NOL4L: variants seen among roughly 807,000 people sequenced by gnomAD.
The protein encoded by NOL4L is nucleolar protein 4 like.
NOL4L carries 7 observed loss-of-function variants against 64.5 expected under a neutral mutation model. The ratio of observed to expected loss-of-function variants is 0.11; its 90% confidence interval spans 0.06 to 0.20. The LOEUF is 0.20. Among genes scored for constraint, NOL4L ranks in the 10% least tolerant of loss-of-function variants. NOL4L has a pLI of 1.00. For missense variants in NOL4L, 680 were observed against 967.1 expected (o/e 0.70, Z 3.94); for synonymous variants, 413 against 401.0 (o/e 1.03, Z -0.36).
intron 1 of NOL4L, among the ~76,000 whole-genome samples, chr20:32,566,687 T>A (rs140341754): frequency 6.6e-6 from 1 of 152,278 alleles, no homozygotes; most frequent in East Asian, 1.9e-4. Flanking sequence ...GCTCAAAATG[T>A]CACATTTTAT....
At chr20:32,526,010 G>A (rs1262904480) in intron 2 of NOL4L, among the ~76,000 whole-genome samples, 2 of 152,024 alleles carry the variant, frequency 1.3e-5, no homozygotes, top group Non-Finnish European at 2.9e-5. Flanking sequence ...TGCCTGTCTC[G>A]GCCTCCCAAA....
chr20:32,485,147 G>A (rs989868784), intron 4 of NOL4L, among the ~76,000 whole-genome samples: 1 of 143,674 alleles, frequency 7.0e-6, no homozygotes, highest in African/African-American at 2.6e-5. Flanking sequence ...CGCATCCGAA[G>A]AGGAAGGGCA....
chr20:32,509,882 C>T (rs1382193747), intron 4 of NOL4L: 1 of 1,304,272 alleles, frequency 7.7e-7, no homozygotes, highest in Non-Finnish European at 1.0e-6. Context: ...TTCATGGGCA[C>T]AGATGAGCAC....
At chr20:32,523,867 C>T (rs995047666) in intron 2 of NOL4L, among the ~76,000 whole-genome samples, 4 of 152,192 alleles carry the variant, frequency 2.6e-5, no homozygotes, top group African/African-American at 9.6e-5. Context: ...TTTGCAGAGT[C>T]GCTGACTTGC....
chr20:32,484,552 T>C (rs2015964871), intron 4 of NOL4L, among the ~76,000 whole-genome samples: 1 of 151,214 alleles, frequency 6.6e-6, no homozygotes, highest in African/African-American at 2.4e-5. Flanking sequence ...CCCAAACATC[T>C]ACGCGACCCC....
intron 9 of NOL4L, 28 bp downstream of exon 9, chr20:32,452,856 C>T (rs751353339): frequency 6.2e-7 from 1 of 1,612,796 alleles, no homozygotes; most frequent in Non-Finnish European, 8.5e-7. Context: ...CCAGGAGCGG[C>T]CCCTGTAGTG....
chr20:32,580,413 G>A (rs1980394852), intron 1 of NOL4L, among the ~76,000 whole-genome samples: 1 of 152,162 alleles, frequency 6.6e-6, no homozygotes, highest in Non-Finnish European at 1.5e-5. Flanking sequence ...GCCATTTCCC[G>A]CCCAGACCAG....
At chr20:32,456,002 C>T in intron 6 of NOL4L, 116 bp downstream of exon 6, 1 of 1,141,352 alleles carries the variant, frequency 8.8e-7, no homozygotes, top group Non-Finnish European at 1.2e-6. Flanking sequence ...ACCACCCTGG[C>T]TCGGTGTCAC....
chr20:32,527,963 G>A, intron 1 of NOL4L, 50 bp from the exon 2 acceptor site: 3 of 1,479,022 alleles, frequency 2.0e-6, no homozygotes, highest in Non-Finnish European at 2.7e-6. Context: ...ATGGCGGGGT[G>A]AGAACTGGGC....
At chr20:32,567,975 CCAT>C (rs556182440) in intron 1 of NOL4L, among the ~76,000 whole-genome samples, 68 of 152,008 alleles carry the variant, frequency 4.5e-4, no homozygotes, top group African/African-American at 8.4e-4. Flanking sequence ...ATCATCGTCA[CCAT>C]CATCGTCACC....
chr20:32,535,487 G>A (rs779630544), intron 1 of NOL4L: 15 of 657,536 alleles, frequency 2.3e-5, no homozygotes, highest in Non-Finnish European at 2.1e-5. Flanking sequence ...GCGCGTAGCT[G>A]CCGCCGCCAC....
intron 5 of NOL4L, among the ~76,000 whole-genome samples, chr20:32,468,344 A>C (rs1462934899): frequency 6.6e-6 from 1 of 152,076 alleles, no homozygotes; most frequent in Non-Finnish European, 1.5e-5. Context: ...TTTTGGAAAC[A>C]GGTGACCCAA....
At position 32,489,791 on chromosome 20, in the gene NOL4L, C is replaced by CA. The variant is rs2016379833; in HGVS notation, c.700-15050dup. Among the ~76,000 whole-genome samples the CA allele has an allele frequency of 2.0e-5, 3 of 151,368 alleles. No individual in the cohort carries two copies. In the South Asian group the frequency reaches 6.3e-4, roughly 32 times the overall value. On this transcript the variant is annotated intron_variant, in intron 4 of 10. Coordinates refer to ENST00000621426, the MANE Select transcript of NOL4L (RefSeq NM_001256798.2). Reference sequence around the variant, plus strand: ...TGCCACTGCACTCCAGCCTGGGTGACAGAGTGAGACTCCCTCTCAAATAAA... The same window carrying CA: ...TGCCACTGCACTCCAGCCTGGGTGACAAGAGTGAGACTCCCTCTCAAATAAA...
rs993988725 is a variant in NOL4L, at chr20:32,460,042, A to G, written c.842-3647T>C. Among the ~76,000 whole-genome samples, 1 of 152,216 alleles carries G rather than the reference A, an allele frequency of 6.6e-6. No homozygotes were observed. The highest frequency in any genetic ancestry group is 1.5e-5 in the Non-Finnish European group (1 of 68,034). ...TTCTACGCAGCATCTGGAACAGGCA[A>G]ATTCACAGAGACAGAAGGTACAGTG... On this transcript the variant is annotated intron_variant, in intron 5 of 10. Coordinates refer to ENST00000621426, the MANE Select transcript of NOL4L (RefSeq NM_001256798.2). This position sits in a 1 kb window ranked among gnomAD's most constrained non-coding sequence, Gnocchi z 5.7.
chr20:32,567,036 T>C (rs969710634), intron 1 of NOL4L, among the ~76,000 whole-genome samples: 1 of 152,198 alleles, frequency 6.6e-6, no homozygotes, highest in African/African-American at 2.4e-5. Context: ...AGCATTTGTG[T>C]CCTGGCCTTC....
intron 1 of NOL4L, among the ~76,000 whole-genome samples, chr20:32,532,041 C>A (rs561147853): frequency 6.6e-6 from 1 of 152,212 alleles, no homozygotes; most frequent in East Asian, 1.9e-4. Flanking sequence ...TCCCATGTGG[C>A]CTGTCTCTTC....
At chr20:32,540,689 G>A (rs2018638438) in intron 1 of NOL4L, among the ~76,000 whole-genome samples, 1 of 152,116 alleles carries the variant, frequency 6.6e-6, no homozygotes, top group Non-Finnish European at 1.5e-5. Flanking sequence ...TCTGTGAGAT[G>A]GGGATCCTAG....
At chr20:32,485,269 C>T (rs1319383868) in intron 4 of NOL4L, among the ~76,000 whole-genome samples, 2 of 152,030 alleles carry the variant, frequency 1.3e-5, no homozygotes, top group African/African-American at 4.8e-5. Flanking sequence ...GCCTTTAACC[C>T]TCCAACTTTT....
At chr20:32,488,778 C>CCTTCCTTCCTTTCTTCCTTT (rs2016232430) in intron 4 of NOL4L, among the ~76,000 whole-genome samples, 3 of 53,240 alleles carry the variant, frequency 5.6e-5, no homozygotes, top group Admixed American at 2.2e-4. Flanking sequence ...TTCCTTCCTT[C>CCTTCCTTCCTTTCTTCCTTT]CTTCCTTCCT....
Sources: gnomAD v4.1 joint callset for allele counts (sites outside exome capture counted in the v4.1 genomes callset) on GRCh38, gnomAD v4.1.1 for gene constraint, Gnocchi (gnomAD v3.1) non-coding constraint, MANE v1.5 for transcripts, NCBI Gene and HGNC (gene_info 2026-07-23, HGNC 2026-07-21) for gene names.